The following ADCK1 variants were observed in gnomAD, a reference collection of about 807,000 sequenced individuals.
The protein encoded by ADCK1 is aarF domain containing kinase 1, also known as aarF domain-containing protein kinase 1.
In ADCK1, 41 loss-of-function variants were observed where a neutral mutation model predicts 52.3. The ratio of observed to expected loss-of-function variants is 0.78; its 90% CI spans 0.61 to 1.02. The LOEUF is 1.02. Ranked by LOEUF, ADCK1 falls within the 50% of genes least tolerant of loss-of-function variation. The pLI, the probability that ADCK1 is intolerant of heterozygous loss-of-function variation, is 0.00. For missense variants in ADCK1, 658 were observed against 679.5 expected, an observed-to-expected ratio of 0.97 and a Z score of 0.35; for synonymous variants, 250 against 274.6, an observed-to-expected ratio of 0.91 and a Z score of 0.89.
chr14:77,914,025 C>G (rs2083859321), intron 7 of ADCK1, among the ~76,000 whole-genome samples: 1 of 152,156 alleles, frequency 6.6e-6, no homozygotes, highest in African/African-American at 2.4e-5. Context: ...AGGGGTTTAG[C>G]TGGTACTTTT....
chr14:77,839,451 C>T (rs1054357515), intron 3 of ADCK1, among the ~76,000 whole-genome samples: 2 of 152,064 alleles, frequency 1.3e-5, no homozygotes, highest in African/African-American at 4.8e-5. Flanking sequence ...GAGGTGCCTG[C>T]CAAGCTGTGT....
At chr14:77,811,750 G>A (rs1469018) in intron 1 of ADCK1, among the ~76,000 whole-genome samples, 123,122 of 152,114 alleles carry the variant, frequency 0.81, 49,890 homozygotes, top group Middle Eastern at 0.84. Context: ...TTGAGGCTGC[G>A]GTGAGCTGTG....
At chr14:77,909,565 G>A (rs1366356149) in intron 7 of ADCK1, among the ~76,000 whole-genome samples, 1 of 152,160 alleles carries the variant, frequency 6.6e-6, no homozygotes, top group Non-Finnish European at 1.5e-5. Flanking sequence ...TGAGCCCAGG[G>A]GGGTGGCAGG....
chr14:77,931,497 G>C lies in ADCK1; in HGVS notation c.1207-21G>C, dbSNP rs764371737. On this transcript the variant is annotated intron_variant, in intron 9 of 10. Coordinates refer to ENST00000238561, the MANE Select transcript of ADCK1 (RefSeq NM_020421.4). Reference sequence around the variant, plus strand: ...CTGCCCATACCAACCATCTGTTTCTGTTGCCCCATTGCTGCTTCAGGACTT... The same window carrying C: ...CTGCCCATACCAACCATCTGTTTCTCTTGCCCCATTGCTGCTTCAGGACTT... 12 of 1,607,218 alleles carry C rather than the reference G, an allele frequency of 7.5e-6. No individual in the cohort carries two copies. In the Admixed American group the frequency reaches 1.3e-4, roughly 18 times the overall value.
At chr14:77,823,891 T>C (rs2081635551) in intron 3 of ADCK1, among the ~76,000 whole-genome samples, 1 of 151,410 alleles carries the variant, frequency 6.6e-6, no homozygotes, top group Non-Finnish European at 1.5e-5. Flanking sequence ...TATTTTTTTA[T>C]TCATTCATTT....
chr14:77,807,912 G>T (rs2081264444), intron 1 of ADCK1, among the ~76,000 whole-genome samples: 1 of 152,134 alleles, frequency 6.6e-6, no homozygotes, highest in South Asian at 2.1e-4. Flanking sequence ...CAAAGTGCTG[G>T]GATTACAGGC....
At chr14:77,930,930 A>G (rs1006758907) in intron 9 of ADCK1, among the ~76,000 whole-genome samples, 5 of 151,966 alleles carry the variant, frequency 3.3e-5, no homozygotes, top group African/African-American at 4.8e-5. Context: ...AAACTTAAAG[A>G]CCAGGTAGGT....
intron 3 of ADCK1, among the ~76,000 whole-genome samples, chr14:77,844,089 A>G (rs1243245150): frequency 6.6e-6 from 1 of 150,924 alleles, no homozygotes; most frequent in East Asian, 1.9e-4. Context: ...TTTTCTGGAG[A>G]CAGAGTCTCA....
chr14:77,873,201 C>T (rs1259507826), intron 4 of ADCK1, among the ~76,000 whole-genome samples: 2 of 152,198 alleles, frequency 1.3e-5, no homozygotes, highest in African/African-American at 4.8e-5. Flanking sequence ...GCCGAGCCCT[C>T]CATGTCTAGC....
At chr14:77,928,439 T>C (rs909940011) in intron 9 of ADCK1, among the ~76,000 whole-genome samples, 1 of 151,314 alleles carries the variant, frequency 6.6e-6, no homozygotes, top group Non-Finnish European at 1.5e-5. Context: ...TTGTTTTTAT[T>C]AACTAAGATA....
intron 4 of ADCK1, among the ~76,000 whole-genome samples, chr14:77,869,293 T>G (rs936633675): frequency 6.6e-6 from 1 of 152,078 alleles, no homozygotes; most frequent in Non-Finnish European, 1.5e-5. Flanking sequence ...CGAGGGAGGA[T>G]CTGTTCTAGG....
intron 5 of ADCK1, among the ~76,000 whole-genome samples, chr14:77,893,906 G>T (rs2140225342): frequency 6.6e-6 from 1 of 152,078 alleles, no homozygotes; most frequent in East Asian, 1.9e-4. Context: ...GCTAATTTTT[G>T]TATTTTTAGT....
Position 77,933,355 on chromosome 14 carries a change from G to A in ADCK1, c.1536G>A (p.Leu512=). The A allele has an allele frequency of 6.2e-7, 1 of 1,614,086 alleles. No homozygotes were observed. The highest frequency in any genetic ancestry group is 1.3e-5 in the African/African-American group (1 of 75,016). The change falls in exon 11 of 11, where the codon TTG becomes TTA. Residue 512 remains leucine, a synonymous_variant. Transcript: ENST00000238561. ...GGTTGAAGCTGGCTGACCGGGTCTT[G>A]GCCCTAATATGCTGGCTGTTCCCTG... ...VKGLKLADRV[L]ALICWLFPAP...
chr14:77,929,652 A>G (rs1285159089), intron 9 of ADCK1, among the ~76,000 whole-genome samples: 2 of 152,126 alleles, frequency 1.3e-5, no homozygotes, highest in Admixed American at 6.5e-5. Context: ...CATGACCCCA[A>G]GGGATCAAGT....
intron 1 of ADCK1, among the ~76,000 whole-genome samples, chr14:77,808,994 G>C (rs2081283485): frequency 6.6e-6 from 1 of 152,194 alleles, no homozygotes; most frequent in Non-Finnish European, 1.5e-5. Context: ...GACTAGTGAG[G>C]AATGAATGAG....
At chr14:77,900,095 TCAGTAATA>T (rs1277799478) in intron 6 of ADCK1, among the ~76,000 whole-genome samples, 1 of 136,010 alleles carries the variant, frequency 7.4e-6, no homozygotes, top group Non-Finnish European at 1.6e-5. Flanking sequence ...AGAAAATTCA[TCAGTAATA>T]CAGTAATATA....
At chr14:77,912,860 C>T (rs567823445) in intron 7 of ADCK1, among the ~76,000 whole-genome samples, 2 of 152,240 alleles carry the variant, frequency 1.3e-5, no homozygotes, top group East Asian at 3.9e-4. Flanking sequence ...CCACTCGGCC[C>T]AATAGACTTG....
chr14:77,811,423 C>T (rs2081336378), intron 1 of ADCK1, among the ~76,000 whole-genome samples: 1 of 152,076 alleles, frequency 6.6e-6, no homozygotes, highest in Non-Finnish European at 1.5e-5. Flanking sequence ...CCTATGGTCA[C>T]CCAGTTCATA....
At chr14:77,918,262 A>G (rs1184353938) in intron 7 of ADCK1, among the ~76,000 whole-genome samples, 1 of 152,236 alleles carries the variant, frequency 6.6e-6, no homozygotes, top group Non-Finnish European at 1.5e-5. Context: ...AGCAGGCTGG[A>G]CAGGAAAACC....
Sources: allele counts gnomAD v4.1 joint callset (sites outside exome capture counted in the v4.1 genomes callset), GRCh38; gene constraint gnomAD v4.1.1; transcripts MANE v1.5; gene names NCBI Gene and HGNC (gene_info 2026-07-23, HGNC 2026-07-21).